ABCA1: variants seen among roughly 807,000 people sequenced by gnomAD.
The protein encoded by ABCA1 is ATP binding cassette subfamily A member 1.
Under a neutral mutation model 262.5 loss-of-function variants are expected in ABCA1, and 133 were observed. That is an observed-to-expected ratio of 0.51 (90% confidence interval 0.44 to 0.59). The LOEUF (loss-of-function observed/expected upper bound fraction) is 0.59, where lower values mean the gene tolerates loss of function less well. Among genes scored for constraint, ABCA1 ranks in the 20% least tolerant of loss-of-function variants. The pLI is 0.00. For synonymous variants in ABCA1, 1,022 were observed against 1,043.5 expected, an observed-to-expected ratio of 0.98 and a Z score of 0.40; for missense variants, 2,452 against 2,777.5, an observed-to-expected ratio of 0.88 and a Z score of 2.63.
chr9:104,784,465 G>T lies in ABCA1; in HGVS notation c.6646-10C>A. On this transcript the variant is annotated splice_polypyrimidine_tract_variant and intron_variant, in intron 49 of 49. Transcript: ENST00000374736. ...CAAAGTTCACAAATACCTGTTAAAAGATTAAGATGGACCTTTATAAATACC... is the reference window on the plus strand; with the variant it reads ...CAAAGTTCACAAATACCTGTTAAAATATTAAGATGGACCTTTATAAATACC... The T allele has an allele frequency of 6.2e-7, 1 of 1,613,998 alleles. No individual in the cohort carries two copies. Among genetic ancestry groups the T allele is most frequent in the Non-Finnish European group, 8.5e-7 (1 of 1,179,972 alleles).
intron 5 of ABCA1, among the ~76,000 whole-genome samples, chr9:104,877,680 A>G (rs955520745): frequency 3.3e-5 from 5 of 152,244 alleles, no homozygotes; most frequent in African/African-American, 1.2e-4. Context: ...AGTCATCCAC[A>G]GACATCATCT....
chr9:104,788,593 G>C (rs759169063), intron 44 of ABCA1, 26 bp from the exon 45 acceptor site: 2 of 1,613,620 alleles, frequency 1.2e-6, no homozygotes, highest in Non-Finnish European at 8.5e-7. Context: ...AAACTACTTA[G>C]ATTTTAAGCA....
Position 104,798,366 on chromosome 9 carries a change from A to G in ABCA1, c.5121+55T>C, listed in dbSNP as rs60690601. On this transcript the variant is annotated intron_variant, in intron 37 of 49. Coordinates refer to ENST00000374736, the MANE Select transcript of ABCA1 (RefSeq NM_005502.4). ...CCAGAGCTCTTTCTTTCTTATCCAT[A>G]TCAATCCATGGCCCTGACAGACATC... 0.022 allele frequency: 34,174 copies of G among 1,587,100 alleles called. 3,350 individuals carry two copies. In the African/African-American group the frequency reaches 0.29, roughly 13 times the overall value.
chr9:104,794,297 C>T, intron 40 of ABCA1, 90 bp downstream of exon 40: 3 of 1,597,254 alleles, frequency 1.9e-6, no homozygotes, highest in Non-Finnish European at 2.6e-6. Flanking sequence ...GCTTAGTCAC[C>T]TGCTTCTTTC....
intron 5 of ABCA1, among the ~76,000 whole-genome samples, chr9:104,878,027 T>C (rs951393969): frequency 3.9e-5 from 6 of 152,246 alleles, no homozygotes; most frequent in Non-Finnish European, 7.3e-5. Flanking sequence ...CTCATCCACG[T>C]ACTGCCTAAA....
Position 104,820,075 on chromosome 9 carries a change from G to A in ABCA1, c.2961-6C>T. 1 of 1,614,168 alleles carries A rather than the reference G, an allele frequency of 6.2e-7. No homozygotes were observed. On this transcript the variant is annotated splice_region_variant and splice_polypyrimidine_tract_variant and intron_variant, in intron 20 of 49. Coordinates refer to ENST00000374736, the MANE Select transcript of ABCA1 (RefSeq NM_005502.4). ...TGTGTTCTTCGACAGTCAGCCTGGG[G>A]ACAGGGAGGCAGGTCAGCTCTGGGC...
chr9:104,889,617 G>A (rs1839533835), intron 2 of ABCA1, among the ~76,000 whole-genome samples: 1 of 152,164 alleles, frequency 6.6e-6, no homozygotes, highest in South Asian at 2.1e-4. Context: ...AGCACATTGA[G>A]CACTCTGAAA....
Position 104,806,295 on chromosome 9 carries a change from G to A in ABCA1, c.4410C>T (p.Ile1470=). 1.2e-6 allele frequency: 2 copies of A among 1,614,048 alleles called. No homozygotes were observed. The highest frequency in any genetic ancestry group is 1.7e-6 in the Non-Finnish European group (2 of 1,180,032). Residue 1470 remains isoleucine (I), a synonymous_variant, in exon 31 of 50, where the codon ATC becomes ATT. Transcript: ENST00000374736. ...SPACQCSSDK[I]KKMLPVCPPG... ...GGGGACACACAGGCAGCATCTTCTT[G>A]ATTTTGTCGCTGCTACACTGGCATG...
intron 2 of ABCA1, among the ~76,000 whole-genome samples, chr9:104,895,618 C>A (rs1345814139): frequency 6.6e-6 from 1 of 152,204 alleles, no homozygotes; most frequent in Non-Finnish European, 1.5e-5. Flanking sequence ...GAGTCTAGTA[C>A]TTATCATCAT....
In ABCA1 at chr9:104,884,489, G is replaced by A; in HGVS notation, c.240C>T (p.Pro80=). 6.2e-7 allele frequency: 1 copy of A among 1,614,230 alleles called. No individual in the cohort carries two copies. Among genetic ancestry groups the A allele is most frequent in the Non-Finnish European group, 8.5e-7 (1 of 1,180,040 alleles). ...VQGIICNANN[P]CFRYPTPGEA... ...CCCCAGGAGTCGGGTAACGGAAACA[G>A]GGGTTGTTGGCATTACAGATAATCC... Residue 80 remains proline (P), a synonymous_variant, in exon 4 of 50, where the codon CCC becomes CCT. Transcript: ENST00000374736.
At chr9:104,885,887 G>C (rs1195611161) in intron 3 of ABCA1, among the ~76,000 whole-genome samples, 1 of 152,178 alleles carries the variant, frequency 6.6e-6, no homozygotes, top group Non-Finnish European at 1.5e-5. Context: ...TGAAGAACAA[G>C]TAGCTTCACA....
At chr9:104,809,368 C>T (rs544305848) in intron 30 of ABCA1, 98 bp downstream of exon 30, 58 of 1,137,752 alleles carry the variant, frequency 5.1e-5, no homozygotes, top group Admixed American at 7.4e-5. Context: ...CAAATGCTGG[C>T]GGTCACAATG....
At position 104,782,650 on chromosome 9, in the gene ABCA1, GAA is replaced by G. The variant is rs922568070; in HGVS notation, c.*1663_*1664del. ...TTTATATTTTTCTTGACTAGTGATT[GAA>G]GAGATGAAAAATTTGAGACTGTCAG... On this transcript the variant is annotated 3_prime_UTR_variant, in exon 50 of 50. Coordinates refer to ENST00000374736, the MANE Select transcript of ABCA1 (RefSeq NM_005502.4). 20 of 152,136 alleles carry G rather than the reference GAA, an allele frequency of 1.3e-4. No individual in the cohort carries two copies. The highest frequency in any genetic ancestry group is 3.9e-4 in the African/African-American group (16 of 41,430). The allele number at this position is 152,136 out of a possible 1,614,324, so 9.4% of individuals were successfully genotyped here. A position where few individuals can be genotyped will look rare whatever the true frequency, so the allele number is the denominator to read the frequency against.
chr9:104,889,520 T>G (rs1839521575), intron 2 of ABCA1: 1 of 281,934 alleles, frequency 3.5e-6, no homozygotes, highest in Non-Finnish European at 5.3e-6. Context: ...GCCCTCCTCC[T>G]GTGCTACTCC....
At chr9:104,809,758 T>C (rs911655457) in intron 29 of ABCA1, among the ~76,000 whole-genome samples, 194 bp from the exon 30 acceptor site, 1 of 151,952 alleles carries the variant, frequency 6.6e-6, no homozygotes, top group Non-Finnish European at 1.5e-5. Context: ...CAGGGTGACG[T>C]AGAGCACTCC....
chr9:104,883,089 T>C lies in ABCA1; in HGVS notation c.371A>G (p.Asp124Gly). The C allele has an allele frequency of 4.3e-6, 7 of 1,614,122 alleles. No individual in the cohort carries two copies. The highest frequency in any genetic ancestry group is 5.9e-6 in the Non-Finnish European group (7 of 1,180,038). ...TAATGTTCTCAGAACTTTGCGCATGTCCTTCATGCTGGTGTCTTTCTGGCT... is the reference window on the plus strand; with the variant it reads ...TAATGTTCTCAGAACTTTGCGCATGCCCTTCATGCTGGTGTCTTTCTGGCT... Reference protein sequence around the residue: ...LYSQKDTSMKDMRKVLRTLQQ... With the variant: ...LYSQKDTSMKGMRKVLRTLQQ... Residue 124 changes from aspartate (D) to glycine (G), a missense_variant, in exon 5 of 50, where the codon GAC (aspartate) becomes GGC (glycine). Asp to Gly is a moderately conservative substitution (Grantham distance 94). Around this residue, in one of 4 missense-constraint regions of ABCA1, gnomAD observed 1,032 missense variants for 1,089.7 expected, o/e 0.95. Coordinates refer to ENST00000374736, the MANE Select transcript of ABCA1 (RefSeq NM_005502.4).
Position 104,788,578 on chromosome 9 carries a change from C to T in ABCA1, c.5928-11G>A. On this transcript the variant is annotated splice_polypyrimidine_tract_variant and intron_variant, in intron 44 of 49. Transcript: ENST00000374736. ...ATGTTTGATAAGATACTGCAAAGGA[C>T]AAGAAAACTACTTAGATTTTAAGCA... 1 of 1,614,084 alleles carries T rather than the reference C, an allele frequency of 6.2e-7. No homozygotes were observed. Among genetic ancestry groups the T allele is most frequent in the Non-Finnish European group, 8.5e-7 (1 of 1,179,976 alleles).
Position 104,794,392 on chromosome 9 carries a change from C to CT in ABCA1, c.5500dup (p.Arg1834LysfsTer57), listed in dbSNP as rs1469940879. On this transcript the variant is annotated frameshift_variant, in exon 40 of 50. Transcript: ENST00000374736. LOFTEE classifies it high-confidence loss of function. ...ACAGCCACTGCTTCACTCACCAAAC[C>CT]TTTCCAGGGCATCAGCCATTGCCTG... 1.2e-6 allele frequency: 2 copies of CT among 1,613,886 alleles called. No individual in the cohort carries two copies. Among genetic ancestry groups the CT allele is most frequent in the Non-Finnish European group, 1.7e-6 (2 of 1,179,998 alleles).
chr9:104,848,040 G>GCA (rs369734908), intron 7 of ABCA1, among the ~76,000 whole-genome samples: 4 of 151,806 alleles, frequency 2.6e-5, no homozygotes, highest in Non-Finnish European at 2.9e-5. Flanking sequence ...ACTTATATGT[G>GCA]CACACACACA....
Sources: gnomAD v4.1 joint callset for allele counts (sites outside exome capture counted in the v4.1 genomes callset) on GRCh38, gnomAD v4.1.1 for gene constraint, gnomAD v4.1.1 regional missense constraint, MANE v1.5 for transcripts, NCBI Gene and HGNC (gene_info 2026-07-23, HGNC 2026-07-21) for gene names.